The following HGSNAT variants were observed in gnomAD, a reference collection of about 807,000 sequenced individuals.
HGSNAT encodes the protein heparan-alpha-glucosaminide N-acetyltransferase, also known as transmembrane protein 76.
A neutral mutation model predicts 85.2 loss-of-function variants in HGSNAT; 59 were observed. That is an observed-to-expected ratio of 0.69 (90% CI 0.56 to 0.86). The LOEUF is 0.86. HGSNAT is among the 40% of genes least tolerant of loss of function. The pLI is 0.00. For missense variants in HGSNAT, 756 were observed against 777.1 expected (o/e 0.97, Z 0.32); for synonymous variants, 321 against 304.5 (o/e 1.05, Z -0.56).
At chr8:43,199,253 T>G (rs748894499) in intron 17 of HGSNAT, 135 bp from the exon 18 acceptor site, 2 of 619,352 alleles carry the variant, frequency 3.2e-6, no homozygotes, top group Non-Finnish European at 5.6e-6. Context: ...TATGCATTAC[T>G]TATTTTTGGC....
chr8:43,196,537 C>A, intron 14 of HGSNAT: 1 of 1,289,558 alleles, frequency 7.8e-7, no homozygotes, highest in Non-Finnish European at 1.0e-6. Context: ...CGGAGCCTGC[C>A]CAGGTGCCCC....
Position 43,201,739 on chromosome 8 carries a change from T to A in HGSNAT, c.*2170T>A, listed in dbSNP as rs1208561223. Reference sequence around the variant, plus strand: ...GACTGTGAGCTTCCTAAGGCAAGAATCATGCCTTGTTGGTTTCTGTATTCC... The same window carrying A: ...GACTGTGAGCTTCCTAAGGCAAGAAACATGCCTTGTTGGTTTCTGTATTCC... On this transcript the variant is annotated 3_prime_UTR_variant, in exon 18 of 18. Transcript: ENST00000379644. The surrounding 1 kb of genome is among the most constrained non-coding windows in gnomAD (Gnocchi z 4.4). 9 of 152,256 alleles carry A rather than the reference T, an allele frequency of 5.9e-5. 1 individual carries two copies. Among genetic ancestry groups the A allele is most frequent in the Admixed American group, 5.2e-4 (8 of 15,286 alleles). The allele number at this position is 152,256 out of a possible 1,614,324, so 9.4% of individuals were successfully genotyped here.
intron 1 of HGSNAT, 89 bp downstream of exon 1, chr8:43,140,703 C>T: frequency 3.3e-6 from 2 of 603,292 alleles, no homozygotes; most frequent in Non-Finnish European, 4.4e-6. Flanking sequence ...TGCGCGGCGC[C>T]GAGCGCTAGG....
chr8:43,147,110 G>C, intron 2 of HGSNAT, 47 bp downstream of exon 2: 1 of 1,108,836 alleles, frequency 9.0e-7, no homozygotes, highest in African/African-American at 1.6e-5. Context: ...GGGCTTGTTT[G>C]ATATGATCCT....
intron 14 of HGSNAT, chr8:43,196,420 C>G (rs1373721600): frequency 3.9e-6 from 5 of 1,286,760 alleles, no homozygotes; most frequent in South Asian, 2.5e-5. Context: ...GTCCCGGTCC[C>G]TCTTCCTAGT....
At chr8:43,154,644 G>A (rs1455592770) in intron 2 of HGSNAT, among the ~76,000 whole-genome samples, 2 of 151,992 alleles carry the variant, frequency 1.3e-5, no homozygotes, top group African/African-American at 2.4e-5. Flanking sequence ...GAATAGTGCC[G>A]CAATAAACAT....
intron 14 of HGSNAT, 59 bp from the exon 15 acceptor site, chr8:43,196,889 T>C: frequency 1.3e-5 from 13 of 1,027,786 alleles, no homozygotes; most frequent in Non-Finnish European, 2.0e-5. Context: ...AGTGGATTAA[T>C]ATGAAATAAA....
chr8:43,188,138 G>A (rs890883355), intron 11 of HGSNAT, among the ~76,000 whole-genome samples: 1 of 152,074 alleles, frequency 6.6e-6, no homozygotes, highest in Non-Finnish European at 1.5e-5. Context: ...TGCTCTTCTT[G>A]AGGAGTATCT....
chr8:43,189,731 G>C (rs1482536405), intron 11 of HGSNAT, among the ~76,000 whole-genome samples: 1 of 152,110 alleles, frequency 6.6e-6, no homozygotes, highest in Non-Finnish European at 1.5e-5. Flanking sequence ...TTCCTATTCG[G>C]CCATCTTGGA....
chr8:43,199,571 G>A lies in HGSNAT; in HGVS notation c.*2G>A. On this transcript the variant is annotated 3_prime_UTR_variant, in exon 18 of 18. Coordinates refer to ENST00000379644, the MANE Select transcript of HGSNAT (RefSeq NM_152419.3). Reference sequence around the variant, plus strand: ...AAGAAGATTTTTTGGAAAATCTGATGGCTCCCACTGAGATGTGCTGCTGGA... The same window carrying A: ...AAGAAGATTTTTTGGAAAATCTGATAGCTCCCACTGAGATGTGCTGCTGGA... 1 of 1,536,354 alleles carries A rather than the reference G, an allele frequency of 6.5e-7. No individual in the cohort carries two copies. The highest frequency in any genetic ancestry group is 8.8e-7 in the Non-Finnish European group (1 of 1,141,100).
In HGSNAT at chr8:43,181,350, G is replaced by A. The variant is rs534529057; in HGVS notation, c.1013-795G>A. On this transcript the variant is annotated intron_variant, in intron 10 of 17. Coordinates refer to ENST00000379644, the MANE Select transcript of HGSNAT (RefSeq NM_152419.3). Reference sequence around the variant, plus strand: ...ATCTTTGTCATTAGTTTAGTGGTGCGCAGGGACAGCAGAGCTGAGGGAAGG... The same window carrying A: ...ATCTTTGTCATTAGTTTAGTGGTGCACAGGGACAGCAGAGCTGAGGGAAGG... Among the ~76,000 whole-genome samples the A allele has an allele frequency of 7.9e-5, 12 of 152,114 alleles. No homozygotes were observed. The South Asian group carries it at 2.5e-3, about 32-fold the overall frequency.
At position 43,199,813 on chromosome 8, in the gene HGSNAT, A is replaced by G. The variant is rs967725905; in HGVS notation, c.*244A>G. On this transcript the variant is annotated 3_prime_UTR_variant, in exon 18 of 18. Transcript: ENST00000379644. ...CTTTTTTCCTCCATCTTCTGTGGAA[A>G]TGGATGTCTTTGGAACTTCATTCCG... is the stretch of plus-strand genomic sequence containing the variant. 3.1e-6 allele frequency: 1 copy of G among 324,274 alleles called. No individual in the cohort carries two copies. Among genetic ancestry groups the G allele is most frequent in the Non-Finnish European group, 5.6e-6 (1 of 179,466 alleles). 20.1% of individuals were successfully genotyped at this position (324,274 alleles called of 1,614,324 possible).
intron 8 of HGSNAT, among the ~76,000 whole-genome samples, chr8:43,173,416 T>C (rs1586728122): frequency 6.6e-6 from 1 of 151,432 alleles, no homozygotes; most frequent in Admixed American, 6.6e-5. Context: ...TTCAAGTGAT[T>C]CTCCTGCCTC....
chr8:43,180,720 G>A (rs751900567), intron 10 of HGSNAT: 13 of 317,588 alleles, frequency 4.1e-5, no homozygotes, highest in South Asian at 3.0e-4. Context: ...CTGCAATCTC[G>A]GCTCTCCGGG....
At chr8:43,186,708 C>T (rs375043951) in intron 11 of HGSNAT, among the ~76,000 whole-genome samples, 2 of 152,052 alleles carry the variant, frequency 1.3e-5, no homozygotes, top group Non-Finnish European at 2.9e-5. Flanking sequence ...GCTCTTGCTT[C>T]TCTAGTTCTT....
At chr8:43,197,444 C>A (rs1804762675) in intron 15 of HGSNAT, 2 of 569,796 alleles carry the variant, frequency 3.5e-6, no homozygotes, top group Non-Finnish European at 6.2e-6. Flanking sequence ...GTCATTTAAT[C>A]AGTAAGCTTA....
intron 2 of HGSNAT, among the ~76,000 whole-genome samples, chr8:43,154,769 C>G (rs192553665): frequency 1.3e-5 from 2 of 152,122 alleles, no homozygotes; most frequent in Non-Finnish European, 2.9e-5. Flanking sequence ...ATCGCCACAC[C>G]GACTTCCACA....
chr8:43,147,179 CAAAG>C (rs1350912162), intron 2 of HGSNAT, 116 bp downstream of exon 2: 24 of 620,022 alleles, frequency 3.9e-5, no homozygotes, highest in Non-Finnish European at 5.0e-5. Flanking sequence ...GCTAAAGAAA[CAAAG>C]AAGCTATATA....
chr8:43,153,110 G>A (rs1382966562), intron 2 of HGSNAT, among the ~76,000 whole-genome samples: 1 of 151,238 alleles, frequency 6.6e-6, no homozygotes, highest in African/African-American at 2.4e-5. Context: ...TGCTGTATTA[G>A]ATAAGATATA....
Sources: gnomAD v4.1 joint callset for allele counts (sites outside exome capture counted in the v4.1 genomes callset) on GRCh38, gnomAD v4.1.1 for gene constraint, Gnocchi (gnomAD v3.1) non-coding constraint, MANE v1.5 for transcripts, NCBI Gene and HGNC (gene_info 2026-07-23, HGNC 2026-07-21) for gene names.